HHLA2: variants seen among roughly 807,000 people sequenced by gnomAD.
HHLA2 encodes the protein HHLA2 member of B7 family.
In HHLA2, 48 loss-of-function variants were observed where a neutral mutation model predicts 45.9. The ratio of observed to expected loss-of-function variants is 1.05; its 90% CI spans 0.83 to 1.33. The LOEUF (loss-of-function observed/expected upper bound fraction) is 1.33. Among genes scored for constraint, HHLA2 ranks in the 40% most tolerant of loss-of-function variants. The pLI is 0.00. For synonymous variants in HHLA2, 161 were observed against 173.9 expected, an observed-to-expected ratio of 0.93 and a Z score of 0.59; for missense variants, 462 against 494.3, an observed-to-expected ratio of 0.93 and a Z score of 0.62.
rs1374920888 is a variant in HHLA2, at chr3:108,360,051, C to T, written c.1003+1890C>T. On this transcript the variant is annotated intron_variant, in intron 7 of 10. Transcript: ENST00000619531. ...GTAGCTTCTTCATCAGCAGACACAG[C>T]CTCTCCAGTAATTTTTATATTTTTC... Among the ~76,000 whole-genome samples the T allele has an allele frequency of 3.1e-4, 47 of 151,980 alleles. 1 individual carries two copies. Among genetic ancestry groups the T allele is most frequent in the Admixed American group, 3.1e-3 (47 of 15,244 alleles).
chr3:108,307,084 G>C (rs2080942632), intron 1 of HHLA2, among the ~76,000 whole-genome samples: 1 of 151,760 alleles, frequency 6.6e-6, no homozygotes, highest in Admixed American at 6.6e-5. Context: ...TTGAACTCCT[G>C]ACCTCAGGTG....
At chr3:108,316,157 T>A (rs1348130468) in intron 2 of HHLA2, among the ~76,000 whole-genome samples, 1 of 151,026 alleles carries the variant, frequency 6.6e-6, no homozygotes, top group Non-Finnish European at 1.5e-5. Context: ...GTCAACACAG[T>A]TGCTGTGATA....
chr3:108,312,659 T>C (rs2081039785), intron 2 of HHLA2, among the ~76,000 whole-genome samples: 1 of 152,234 alleles, frequency 6.6e-6, no homozygotes, highest in Non-Finnish European at 1.5e-5. Flanking sequence ...CAGGTTCCAG[T>C]GCTCCTGATG....
chr3:108,319,958 A>G (rs189704801), intron 2 of HHLA2, among the ~76,000 whole-genome samples: 3 of 152,340 alleles, frequency 2.0e-5, no homozygotes, highest in Admixed American at 2.0e-4. Flanking sequence ...TATTTGAAAT[A>G]AATTTCAGTA....
At chr3:108,327,451 T>C (rs1576123272) in intron 2 of HHLA2, among the ~76,000 whole-genome samples, 1 of 152,228 alleles carries the variant, frequency 6.6e-6, no homozygotes, top group Non-Finnish European at 1.5e-5. Context: ...TTATGCTTTC[T>C]CACTGTGTCC....
intron 1 of HHLA2, among the ~76,000 whole-genome samples, chr3:108,297,711 C>T (rs1273534379): frequency 1.3e-5 from 2 of 152,240 alleles, no homozygotes; most frequent in East Asian, 3.9e-4. Context: ...GAAGGCTCTG[C>T]CTACTTTTGG....
At chr3:108,302,896 G>A (rs2080872782) in intron 1 of HHLA2, 2 of 152,092 alleles carry the variant, frequency 1.3e-5, no homozygotes, top group Admixed American at 6.6e-5. Flanking sequence ...CTTGAAAACA[G>A]CACACACTAA....
At chr3:108,348,660 T>A (rs13317844) in intron 3 of HHLA2, among the ~76,000 whole-genome samples, 101,574 of 151,566 alleles carry the variant, frequency 0.67, 34,835 homozygotes, top group African/African-American at 0.75. Context: ...TTTTTTTTTT[T>A]AATTATACTT....
chr3:108,353,983 A>G (rs1236691829), intron 5 of HHLA2, among the ~76,000 whole-genome samples: 1 of 152,214 alleles, frequency 6.6e-6, no homozygotes, highest in African/African-American at 2.4e-5. Context: ...AGGCATTTCC[A>G]GTGTTTTACA....
At chr3:108,310,506 A>G (rs958064178) in intron 1 of HHLA2, 149 bp from the exon 2 acceptor site, 1 of 152,610 alleles carries the variant, frequency 6.6e-6, no homozygotes, top group Non-Finnish European at 1.5e-5. Context: ...CATTTGGATT[A>G]TCAAGAGAAA....
At chr3:108,368,565 A>G (rs2082107936) in intron 8 of HHLA2, among the ~76,000 whole-genome samples, 2 of 140,130 alleles carry the variant, frequency 1.4e-5, no homozygotes, top group African/African-American at 5.2e-5. Flanking sequence ...AAAAAAAAAA[A>G]AAAAAGCAGG....
chr3:108,299,405 GATA>G (rs1188408297), intron 1 of HHLA2, among the ~76,000 whole-genome samples: 7 of 150,236 alleles, frequency 4.7e-5, no homozygotes, highest in South Asian at 2.1e-4. Context: ...ATTTATTATA[GATA>G]ATAAGTGAAA....
At position 108,328,269 on chromosome 3, in the gene HHLA2, G is replaced by T. The variant is rs1478013462; in HGVS notation, c.-104-1G>T. On this transcript the variant is annotated splice_acceptor_variant, in intron 2 of 10. Coordinates refer to ENST00000619531, the Ensembl canonical transcript of HHLA2. LOFTEE classifies it low-confidence loss of function (5UTR_SPLICE). ...ACCTTAATCTAATTTTATCCACACA[G>T]CATGTAGGAGAATACTAACCCTGCA... 6.9e-7 allele frequency: 1 copy of T among 1,455,890 alleles called. No homozygotes were observed. Among genetic ancestry groups the T allele is most frequent in the Non-Finnish European group, 9.1e-7 (1 of 1,096,608 alleles). 90.2% of individuals were successfully genotyped at this position (1,455,890 alleles called of 1,614,324 possible).
intron 3 of HHLA2, among the ~76,000 whole-genome samples, chr3:108,339,984 A>G (rs1390498954): frequency 6.6e-6 from 1 of 152,192 alleles, no homozygotes; most frequent in Admixed American, 6.5e-5. Context: ...GTGGCAACAG[A>G]TGTGGCCCCA....
At chr3:108,371,760 C>T (rs946354554) in intron 8 of HHLA2, among the ~76,000 whole-genome samples, 1 of 152,198 alleles carries the variant, frequency 6.6e-6, no homozygotes, top group African/African-American at 2.4e-5. Context: ...GGGATCAACT[C>T]AACAAGAAGA....
chr3:108,343,855 T>A (rs1380270962), intron 3 of HHLA2, among the ~76,000 whole-genome samples: 1 of 152,214 alleles, frequency 6.6e-6, no homozygotes, highest in Non-Finnish European at 1.5e-5. Context: ...AAACTTAAAT[T>A]GACATTGGAA....
chr3:108,303,012 CTTGTTTAGGCAAAAAAGTAAAA>C (rs1248700348), intron 1 of HHLA2, among the ~76,000 whole-genome samples: 1 of 152,126 alleles, frequency 6.6e-6, no homozygotes, highest in African/African-American at 2.4e-5. Flanking sequence ...CTCTTTGTTG[CTTGTTTAGGCAAAAAAGTAAAA>C]TATTTCTTCC....
At chr3:108,318,104 C>T (rs2081134907) in intron 2 of HHLA2, among the ~76,000 whole-genome samples, 1 of 150,690 alleles carries the variant, frequency 6.6e-6, no homozygotes, top group Admixed American at 6.6e-5. Context: ...TCACTTGAAC[C>T]AAGGAGGCTG....
intron 3 of HHLA2, 65 bp from the exon 3 acceptor site, chr3:108,351,723 A>G: frequency 1.1e-6 from 1 of 926,894 alleles, no homozygotes; most frequent in South Asian, 1.5e-5. Flanking sequence ...TGAATGTACC[A>G]CTCTTTTCCA....
Sources: gnomAD v4.1 joint callset for allele counts (sites outside exome capture counted in the v4.1 genomes callset) on GRCh38, gnomAD v4.1.1 for gene constraint, MANE v1.5 for transcripts, NCBI Gene and HGNC (gene_info 2026-07-23, HGNC 2026-07-21) for gene names.